The following ANK3 variants were observed in gnomAD, a reference collection of about 807,000 sequenced individuals.
The protein encoded by ANK3 is ankyrin-3.
A neutral mutation model predicts 370.9 loss-of-function variants in ANK3; 57 were observed. The ratio of observed to expected loss-of-function variants is 0.15; its 90% CI spans 0.12 to 0.19. The LOEUF (loss-of-function observed/expected upper bound fraction) is 0.19, where lower values mean the gene tolerates loss of function less well. Ranked by LOEUF, ANK3 falls within the 10% of genes least tolerant of loss-of-function variation. The pLI is 1.00. For missense variants in ANK3, 4,439 were observed against 5,302.1 expected, an observed-to-expected ratio of 0.84 and a Z score of 5.06; for synonymous variants, 1,929 against 1,946.3, an observed-to-expected ratio of 0.99 and a Z score of 0.23.
intron 2 of ANK3, among the ~76,000 whole-genome samples, chr10:60,492,316 T>C (rs772103094): frequency 1.1e-4 from 17 of 152,192 alleles, no homozygotes; most frequent in Non-Finnish European, 2.2e-4. Context: ...TCAGTTCTCC[T>C]GGCAGAGTAA....
chr10:60,579,032 A>C (rs958839353), intron 2 of ANK3, among the ~76,000 whole-genome samples: 5 of 152,182 alleles, frequency 3.3e-5, no homozygotes, highest in Admixed American at 3.3e-4. Context: ...AAATGAGCTT[A>C]AAAGATTTTT....
chr10:60,377,147 C>T (rs570888483), intron 1 of ANK3, among the ~76,000 whole-genome samples: 21 of 152,150 alleles, frequency 1.4e-4, no homozygotes, highest in Non-Finnish European at 2.6e-4. Flanking sequence ...GTGGCCAAGC[C>T]ACTGAACAGA....
intron 1 of ANK3, among the ~76,000 whole-genome samples, chr10:60,677,504 T>G (rs921148199): frequency 6.6e-6 from 1 of 152,034 alleles, no homozygotes; most frequent in Admixed American, 6.6e-5. Flanking sequence ...TTAAAAAAAC[T>G]GATTTTAAGT....
At chr10:60,193,563 G>A (rs2096532763) in intron 16 of ANK3, among the ~76,000 whole-genome samples, 1 of 151,832 alleles carries the variant, frequency 6.6e-6, no homozygotes, top group Non-Finnish European at 1.5e-5. Flanking sequence ...GCTGAGGCAG[G>A]AGAATTGCTT....
chr10:60,532,584 T>A (rs1181423240), intron 2 of ANK3, among the ~76,000 whole-genome samples: 1 of 151,860 alleles, frequency 6.6e-6, no homozygotes, highest in African/African-American at 2.4e-5. Context: ...GCAGCCCTTG[T>A]TAAAACACAG....
intron 16 of ANK3, 77 bp from the exon 17 acceptor site, chr10:60,186,989 G>A (rs1200271455): frequency 1.4e-6 from 2 of 1,386,302 alleles, no homozygotes; most frequent in Non-Finnish European, 2.0e-6. Context: ...AATAGTTTAT[G>A]TCTCTTTCTA....
chr10:60,035,728 A>T (rs1163065290), intron 43 of ANK3, among the ~76,000 whole-genome samples: 1 of 151,028 alleles, frequency 6.6e-6, no homozygotes, highest in African/African-American at 2.4e-5. Flanking sequence ...GGTGGCTCAC[A>T]CCTATAATCC....
At chr10:60,434,397 T>G (rs2064106665) in intron 2 of ANK3, among the ~76,000 whole-genome samples, 1 of 152,234 alleles carries the variant, frequency 6.6e-6, no homozygotes, top group African/African-American at 2.4e-5. Flanking sequence ...ACACATTGAA[T>G]AGAGTACATG....
chr10:60,036,130 A>C (rs1208876388), intron 43 of ANK3, among the ~76,000 whole-genome samples: 1 of 152,074 alleles, frequency 6.6e-6, no homozygotes, highest in African/African-American at 2.4e-5. Context: ...TGTTGTACTA[A>C]CTTCCTAGGG....
chr10:60,104,746 C>T (rs1449360300), intron 28 of ANK3, among the ~76,000 whole-genome samples: 2 of 152,182 alleles, frequency 1.3e-5, no homozygotes, highest in Non-Finnish European at 2.9e-5. Context: ...AAACCTTTGG[C>T]ATGACAATTT....
intron 1 of ANK3, among the ~76,000 whole-genome samples, chr10:60,639,277 A>G (rs2078596853): frequency 2.0e-5 from 3 of 151,450 alleles, no homozygotes; most frequent in Admixed American, 2.0e-4. Flanking sequence ...GCAAAAATAT[A>G]TTTCAAAAAT....
chr10:60,303,067 T>C (rs2044183241), intron 1 of ANK3, among the ~76,000 whole-genome samples: 1 of 152,146 alleles, frequency 6.6e-6, no homozygotes. Flanking sequence ...TCAAAATGGA[T>C]TACAGGCTTA....
intron 2 of ANK3, among the ~76,000 whole-genome samples, chr10:60,529,543 T>A (rs2076556212): frequency 6.6e-6 from 1 of 152,132 alleles, no homozygotes; most frequent in South Asian, 2.1e-4. Flanking sequence ...TGTAAATACA[T>A]ACATATAGTA....
rs569169617 is a variant in ANK3, at chr10:60,510,963, G to T, written c.96+104223C>A. Among the ~76,000 whole-genome samples, 131 of 152,096 alleles carry T rather than the reference G, an allele frequency of 8.6e-4. 7 individuals are homozygous for T. The highest frequency in any genetic ancestry group is 7.5e-4 in the Non-Finnish European group (51 of 68,018). On this transcript the variant is annotated intron_variant, in intron 2 of 43. Transcript: ENST00000373827. Reference sequence around the variant, plus strand: ...GCTGCCTGCTTCCATTTGACTGCATGACTATCTCTGCTTTATAAGGAAAAA... The same window carrying T: ...GCTGCCTGCTTCCATTTGACTGCATTACTATCTCTGCTTTATAAGGAAAAA...
chr10:60,717,793 T>C (rs1358514847), intron 1 of ANK3, among the ~76,000 whole-genome samples: 1 of 152,220 alleles, frequency 6.6e-6, no homozygotes, highest in African/African-American at 2.4e-5. Context: ...ACTGAGAGAT[T>C]GACACCAAAT....
chr10:60,494,158 T>G (rs760566784), intron 2 of ANK3, among the ~76,000 whole-genome samples: 1 of 152,110 alleles, frequency 6.6e-6, no homozygotes, highest in Non-Finnish European at 1.5e-5. Context: ...GGACTTTTGG[T>G]TATATGAGAG....
chr10:60,432,117 T>G (rs1414093366), intron 2 of ANK3, among the ~76,000 whole-genome samples: 1 of 152,242 alleles, frequency 6.6e-6, no homozygotes, highest in East Asian at 1.9e-4. Context: ...AAGTGGATAT[T>G]GGCAGTATCA....
chr10:60,095,534 C>T (rs1020302248), intron 28 of ANK3, among the ~76,000 whole-genome samples: 1 of 152,156 alleles, frequency 6.6e-6, no homozygotes, highest in Non-Finnish European at 1.5e-5. Context: ...ATGTACATCA[C>T]CACGCCCTGC....
intron 1 of ANK3, among the ~76,000 whole-genome samples, chr10:60,620,480 A>C (rs2133328394): frequency 6.6e-6 from 1 of 152,324 alleles, no homozygotes; most frequent in Admixed American, 6.5e-5. Flanking sequence ...ACTGAGGCAC[A>C]AAGAGAATAA....
Sources: allele counts gnomAD v4.1 joint callset (sites outside exome capture counted in the v4.1 genomes callset), GRCh38; gene constraint gnomAD v4.1.1; transcripts MANE v1.5; gene names NCBI Gene and HGNC (gene_info 2026-07-23, HGNC 2026-07-21).